Variants in DAP3 observed in about 807,000 individuals in gnomAD.
The protein encoded by DAP3 is small ribosomal subunit protein mS29.
DAP3 carries 28 observed loss-of-function variants against 51.9 expected under a neutral mutation model. The observed-to-expected ratio is 0.54, with a 90% CI of 0.40 to 0.74. DAP3 has a LOEUF of 0.74. DAP3 is among the 30% of genes least tolerant of loss of function. The pLI is 0.00. For missense variants in DAP3, 458 were observed against 483.5 expected (o/e 0.95, Z 0.49); for synonymous variants, 170 against 170.3 (o/e 1.00, Z 0.01).
rs564692949 is a variant in DAP3, at chr1:155,725,212, T to A, written c.271-170T>A. Among the ~76,000 whole-genome samples, 44 of 152,272 alleles carry A rather than the reference T, an allele frequency of 2.9e-4. No individual in the cohort carries two copies. The South Asian group carries it at 8.7e-3, about 30-fold the overall frequency. ...TAATGTATTTCAGTTTTTAGCTAAGTTATATGGATAGATTTTCAAACTCAG... is the reference window on the plus strand; with the variant it reads ...TAATGTATTTCAGTTTTTAGCTAAGATATATGGATAGATTTTCAAACTCAG... On this transcript the variant is annotated intron_variant, in intron 4 of 12. Coordinates refer to ENST00000368336, the MANE Select transcript of DAP3 (RefSeq NM_004632.4).
upstream of DAP3, chr1:155,688,757 C>T: frequency 2.6e-6 from 4 of 1,522,026 alleles, no homozygotes; most frequent in South Asian, 2.4e-5. Context: ...GCAGCCGCCG[C>T]CAGCACCCCC....
At chr1:155,695,078 T>C (rs949351750) in intron 1 of DAP3, among the ~76,000 whole-genome samples, 28 of 152,224 alleles carry the variant, frequency 1.8e-4, no homozygotes, top group African/African-American at 6.5e-4. Context: ...TGCTCTGTTG[T>C]TTTAAAAATG....
At chr1:155,703,634 C>T (rs772119331) in intron 1 of DAP3, among the ~76,000 whole-genome samples, 10 of 152,168 alleles carry the variant, frequency 6.6e-5, no homozygotes, top group Non-Finnish European at 1.3e-4. Context: ...GCCTCCCGGG[C>T]TCAAGCAATT....
chr1:155,702,082 A>C (rs1412260756), intron 1 of DAP3, among the ~76,000 whole-genome samples: 4 of 146,676 alleles, frequency 2.7e-5, no homozygotes, highest in Non-Finnish European at 4.5e-5. Context: ...CAAAAAACTG[A>C]TTCTGTACCT....
At chr1:155,707,140 G>A (rs171168) in intron 1 of DAP3, among the ~76,000 whole-genome samples, 9,702 of 151,628 alleles carry the variant, frequency 0.064, 1,057 homozygotes, top group African/African-American at 0.22. Flanking sequence ...TAGGCCAGGC[G>A]CGGTGGCTCA....
At chr1:155,718,677 C>T (rs1288276897) in intron 3 of DAP3, among the ~76,000 whole-genome samples, 1 of 144,130 alleles carries the variant, frequency 6.9e-6, no homozygotes, top group Non-Finnish European at 1.5e-5. Context: ...CAGTGCAAGA[C>T]TCTGTCTCAA....
chr1:155,733,922 G>A (rs986916341), intron 11 of DAP3, among the ~76,000 whole-genome samples: 2 of 152,262 alleles, frequency 1.3e-5, no homozygotes, highest in Admixed American at 1.3e-4. Flanking sequence ...GGGAGGCCAA[G>A]GCAGAAGGAT....
At chr1:155,701,066 C>T (rs1234173131) in intron 1 of DAP3, among the ~76,000 whole-genome samples, 2 of 133,368 alleles carry the variant, frequency 1.5e-5, no homozygotes, top group Non-Finnish European at 3.1e-5. Context: ...GGGGGTCAGC[C>T]CCCCTGCCTG....
At chr1:155,706,075 C>T (rs1655931062) in intron 1 of DAP3, among the ~76,000 whole-genome samples, 1 of 152,122 alleles carries the variant, frequency 6.6e-6, no homozygotes, top group South Asian at 2.1e-4. Flanking sequence ...GTGGCATGAT[C>T]ATAGCTCTTT....
intron 11 of DAP3, among the ~76,000 whole-genome samples, chr1:155,733,170 C>A (rs1302836364): frequency 6.6e-6 from 1 of 152,192 alleles, no homozygotes; most frequent in Non-Finnish European, 1.5e-5. Flanking sequence ...GAGGTTTCCT[C>A]CTGAATAGAA....
chr1:155,706,190 G>T (rs188084211), intron 1 of DAP3, among the ~76,000 whole-genome samples: 420 of 152,054 alleles, frequency 2.8e-3, no homozygotes, highest in Middle Eastern at 0.01. Context: ...TTTGTTTGTG[G>T]AATTGGCGGT....
rs147631876 is a variant in DAP3, at chr1:155,714,876, T to C, written c.46-2130T>C. On this transcript the variant is annotated intron_variant, in intron 2 of 12. Transcript: ENST00000368336. ...TGGGTGTAAGTGTGAGGAGGGATGG[T>C]ACAGAGATAACATATATTTTCTGCA... Among the ~76,000 whole-genome samples the C allele has an allele frequency of 1.2e-3, 185 of 152,090 alleles. 1 individual carries two copies. Among genetic ancestry groups the C allele is most frequent in the African/African-American group, 4.3e-3 (178 of 41,510 alleles).
chr1:155,731,138 G>A (rs1469697013), intron 9 of DAP3, among the ~76,000 whole-genome samples: 6 of 151,866 alleles, frequency 4.0e-5, no homozygotes, highest in South Asian at 2.1e-4. Flanking sequence ...CTGGTGGCGC[G>A]CGCCTATAGT....
chr1:155,688,570 C>G (rs1390022603), upstream of DAP3: 1 of 1,537,936 alleles, frequency 6.5e-7, no homozygotes, highest in South Asian at 1.2e-5. Flanking sequence ...CCATCCCGTA[C>G]GCGCTCACCC....
intron 1 of DAP3, among the ~76,000 whole-genome samples, chr1:155,696,669 A>G (rs1034576882): frequency 3.9e-5 from 6 of 152,276 alleles, no homozygotes; most frequent in South Asian, 2.1e-4. Context: ...TGTCATCCAT[A>G]TAATGAATGA....
At chr1:155,716,504 C>T (rs962887222) in intron 2 of DAP3, among the ~76,000 whole-genome samples, 7 of 151,674 alleles carry the variant, frequency 4.6e-5, no homozygotes, top group South Asian at 2.1e-4. Flanking sequence ...ACCCAGGAGG[C>T]GGAGCTTGCA....
intron 1 of DAP3, among the ~76,000 whole-genome samples, chr1:155,699,493 G>T (rs1654920362): frequency 6.6e-6 from 1 of 152,168 alleles, no homozygotes. Flanking sequence ...GCCAGTTTAT[G>T]CAGGCACCCC....
At chr1:155,734,081 C>T (rs777732713) in intron 11 of DAP3, among the ~76,000 whole-genome samples, 11 of 152,022 alleles carry the variant, frequency 7.2e-5, no homozygotes, top group Non-Finnish European at 8.8e-5. Context: ...CGCTTGAGCC[C>T]GGGAGGTCAA....
intron 4 of DAP3, among the ~76,000 whole-genome samples, chr1:155,723,449 C>T (rs1030388741): frequency 4.6e-5 from 7 of 152,166 alleles, no homozygotes; most frequent in African/African-American, 1.7e-4. Context: ...CTGCCTCAGC[C>T]TCCCAAAGAG....
Sources: allele counts gnomAD v4.1 joint callset (sites outside exome capture counted in the v4.1 genomes callset), GRCh38; gene constraint gnomAD v4.1.1; transcripts MANE v1.5; gene names NCBI Gene and HGNC (gene_info 2026-07-23, HGNC 2026-07-21).